The following PCDHGA2 variants were observed in gnomAD, a reference collection of about 807,000 sequenced individuals.
The protein encoded by PCDHGA2 is protocadherin gamma-A2.
Under a neutral mutation model 59.2 loss-of-function variants are expected in PCDHGA2, and 40 were observed. The observed-to-expected ratio is 0.68, with a 90% confidence interval of 0.52 to 0.88. The LOEUF (loss-of-function observed/expected upper bound fraction) is 0.88. Among genes scored for constraint, PCDHGA2 ranks in the 40% least tolerant of loss-of-function variants. The pLI is 0.00. For synonymous variants in PCDHGA2, 560 were observed against 526.0 expected, an observed-to-expected ratio of 1.06 and a Z score of -0.89; for missense variants, 1,226 against 1,204.0, an observed-to-expected ratio of 1.02 and a Z score of -0.27.
intron 1 of PCDHGA2, chr5:141,419,253 A>C (rs1590154657): frequency 6.2e-7 from 1 of 1,613,990 alleles, no homozygotes; most frequent in South Asian, 1.1e-5. Context: ...CCAGAAAACA[A>C]CCAGCCGGGT....
rs780863525 is a variant in PCDHGA2 at position 141,384,110 on chromosome 5, T to C, written c.2424+42715T>C. The stretch of plus-strand genomic sequence containing the variant: ...AAATCAATAGATAATTATTATAGAT[T>C]GGTCACAACCAAAAACTTGGACCGG... On this transcript the variant is annotated intron_variant, in intron 1 of 3. Transcript: ENST00000394576. The C allele has an allele frequency of 5.0e-6, 8 of 1,604,780 alleles. No homozygotes were observed. The South Asian group carries it at 7.8e-5, about 16-fold the overall frequency.
rs756094875 is a variant in PCDHGA2 at position 141,419,594 on chromosome 5, C to T, written c.2425-75213C>T. 2.6e-5 allele frequency: 42 copies of T among 1,611,572 alleles called. No homozygotes were observed. Among genetic ancestry groups the T allele is most frequent in the Admixed American group, 3.3e-5 (2 of 59,964 alleles). ...CGGCTCCGCGCTCTTCGACACAGTG[C>T]CGCGGGCCGCGCAGCCAGGCTACCT... On this transcript the variant is annotated intron_variant, in intron 1 of 3. Transcript: ENST00000394576.
chr5:141,366,288 C>A (rs1020562585), intron 1 of PCDHGA2: 2 of 1,613,748 alleles, frequency 1.2e-6, no homozygotes, highest in Non-Finnish European at 1.7e-6. Context: ...GGCCAGCCCC[C>A]TCTGTCAGCC....
chr5:141,461,778 C>CA (rs1280703059), intron 1 of PCDHGA2, among the ~76,000 whole-genome samples: 6 of 152,052 alleles, frequency 3.9e-5, no homozygotes, highest in Non-Finnish European at 7.4e-5. Context: ...CTCAGCCTCC[C>CA]AAGTAGCTGG....
In PCDHGA2 at chr5:141,389,786, C is replaced by T. The variant is rs368188508; in HGVS notation, c.2424+48391C>T. 6.2e-6 allele frequency: 10 copies of T among 1,613,252 alleles called. No homozygotes were observed. The African/African-American group carries it at 1.1e-4, about 17-fold the overall frequency. The stretch of plus-strand genomic sequence containing the variant: ...CAGCGCGTGCCTTAGGCGACAGGGA[C>T]GCCGTCCGCCAGCGCCTTCTGGTCG... On this transcript the variant is annotated intron_variant, in intron 1 of 3. Transcript: ENST00000394576.
intron 1 of PCDHGA2, among the ~76,000 whole-genome samples, chr5:141,379,889 C>CTTTTTTTTTTTTTTGTTTTTTTTT (rs1775951854): frequency 2.0e-5 from 1 of 50,832 alleles, no homozygotes; most frequent in Non-Finnish European, 3.9e-5. Flanking sequence ...GTGAAAGCCT[C>CTTTTTTTTTTTTTTGTTTTTTTTT]TTTTTTTTTT....
intron 1 of PCDHGA2, chr5:141,389,909 C>A: frequency 6.2e-7 from 1 of 1,614,068 alleles, no homozygotes; most frequent in Non-Finnish European, 8.5e-7. Flanking sequence ...ATATCACTGA[C>A]CGCCCCGACC....
rs368371918 is a variant in PCDHGA2 at position 141,432,800 on chromosome 5, C to G, written c.2425-62007C>G. Reference sequence around the variant, plus strand: ...GGCGGACCTCGGCAGCCTCGAGTCTCCAGCTAACTCTGAAACCTCAGACCT... The same window carrying G: ...GGCGGACCTCGGCAGCCTCGAGTCTGCAGCTAACTCTGAAACCTCAGACCT... On this transcript the variant is annotated intron_variant, in intron 1 of 3. Coordinates refer to ENST00000394576, the MANE Select transcript of PCDHGA2 (RefSeq NM_018915.4). This position sits in a 1 kb window ranked among gnomAD's most constrained non-coding sequence, Gnocchi z 6.0. The G allele has an allele frequency of 9.9e-6, 16 of 1,614,038 alleles. No individual in the cohort carries two copies. Among genetic ancestry groups the G allele is most frequent in the Non-Finnish European group, 1.3e-5 (15 of 1,180,016 alleles).
chr5:141,490,061 A>G lies in PCDHGA2; in HGVS notation c.2425-4746A>G, dbSNP rs1562135413. On this transcript the variant is annotated intron_variant, in intron 1 of 3. Transcript: ENST00000394576. This position sits in a 1 kb window ranked among gnomAD's most constrained non-coding sequence, Gnocchi z 5.4. Reference sequence around the variant, plus strand: ...GCCACTGATCCAGACGAGGGCACCAACGGCCAACTAGACTATTCTTTTGGA... The same window carrying G: ...GCCACTGATCCAGACGAGGGCACCAGCGGCCAACTAGACTATTCTTTTGGA... 1.2e-6 allele frequency: 2 copies of G among 1,614,214 alleles called. No individual in the cohort carries two copies. Among genetic ancestry groups the G allele is most frequent in the East Asian group, 2.2e-5 (1 of 44,884 alleles).
intron 1 of PCDHGA2, among the ~76,000 whole-genome samples, chr5:141,363,289 T>C (rs537756758): frequency 6.6e-5 from 10 of 152,254 alleles, no homozygotes; most frequent in Non-Finnish European, 1.5e-4. Flanking sequence ...CCTAATTATA[T>C]AGAATTTTTA....
chr5:141,419,443 C>T (rs1476796525), intron 1 of PCDHGA2: 2 of 1,613,080 alleles, frequency 1.2e-6, no homozygotes, highest in South Asian at 2.2e-5. Flanking sequence ...TGCGCACCTT[C>T]GAGCTCACGC....
chr5:141,361,037 T>C, intron 1 of PCDHGA2: 1 of 1,613,390 alleles, frequency 6.2e-7, no homozygotes, highest in Non-Finnish European at 8.5e-7. Flanking sequence ...ACAGGAGAAA[T>C]CACGACAAAG....
At chr5:141,341,580 G>C (rs1392302921) in intron 1 of PCDHGA2, 185 bp downstream of exon 1, 2 of 1,211,848 alleles carry the variant, frequency 1.7e-6, no homozygotes, top group South Asian at 3.2e-5. Context: ...AAGAAGAGAC[G>C]TGAGAATCTT....
intron 1 of PCDHGA2, chr5:141,365,857 T>C: frequency 1.2e-6 from 2 of 1,614,066 alleles, no homozygotes; most frequent in Non-Finnish European, 1.7e-6. Context: ...CCATTAACTC[T>C]GACACCGGTG....
Position 141,386,595 on chromosome 5 carries a change from A to AT in PCDHGA2, c.2424+45212dup, listed in dbSNP as rs373179212. On this transcript the variant is annotated intron_variant, in intron 1 of 3. Coordinates refer to ENST00000394576, the MANE Select transcript of PCDHGA2 (RefSeq NM_018915.4). ...CTCTGTACAATAGTGTGGGGGATAC[A>AT]TTTTTTTTTTTTGACATGGAGTCTC... Among the ~76,000 whole-genome samples, 373 of 146,122 alleles carry AT rather than the reference A, an allele frequency of 2.6e-3. 1 individual carries two copies. The highest frequency in any genetic ancestry group is 0.012 in the East Asian group (62 of 5,036).
chr5:141,351,902 G>T, intron 1 of PCDHGA2: 1 of 1,613,444 alleles, frequency 6.2e-7, no homozygotes, highest in Non-Finnish European at 8.5e-7. Context: ...GCGCGTGTTG[G>T]TGGGCGACCT....
intron 1 of PCDHGA2, chr5:141,366,238 C>A (rs376279746): frequency 1.8e-4 from 297 of 1,613,786 alleles, no homozygotes; most frequent in Non-Finnish European, 2.3e-4. Flanking sequence ...TGGACAGAGA[C>A]GCGCTCAAGC....
At chr5:141,461,430 A>G (rs1239117668) in intron 1 of PCDHGA2, among the ~76,000 whole-genome samples, 2 of 151,992 alleles carry the variant, frequency 1.3e-5, no homozygotes, top group African/African-American at 4.8e-5. Context: ...GGCCATTTGT[A>G]TACCTTCTTT....
At chr5:141,375,665 C>A in intron 1 of PCDHGA2, 1 of 1,614,242 alleles carries the variant, frequency 6.2e-7, no homozygotes, top group Non-Finnish European at 8.5e-7. Flanking sequence ...GTTGAGAGAC[C>A]TACAGCTGTG....
Sources: allele counts gnomAD v4.1 joint callset (sites outside exome capture counted in the v4.1 genomes callset), GRCh38; gene constraint gnomAD v4.1.1; non-coding constraint Gnocchi (gnomAD v3.1); transcripts MANE v1.5; gene names NCBI Gene and HGNC (gene_info 2026-07-23, HGNC 2026-07-21).